The following SNX24 variants were observed in gnomAD, a reference collection of about 807,000 sequenced individuals.
SNX24 encodes sorting nexin-24.
A neutral mutation model predicts 28.7 loss-of-function variants in SNX24; 22 were observed. That is an observed-to-expected ratio of 0.77 (90% CI 0.55 to 1.10). The LOEUF is 1.10. Among genes scored for constraint, SNX24 ranks in the 50% least tolerant of loss-of-function variants. The pLI, the probability that SNX24 is intolerant of heterozygous loss-of-function variation, is 0.00. For missense variants in SNX24, 221 were observed against 201.1 expected, an observed-to-expected ratio of 1.10 and a Z score of -0.60; for synonymous variants, 69 against 71.5, an observed-to-expected ratio of 0.96 and a Z score of 0.18.
intron 2 of SNX24, among the ~76,000 whole-genome samples, chr5:122,943,710 C>T (rs1561634719): frequency 6.6e-6 from 1 of 152,210 alleles, no homozygotes; most frequent in Non-Finnish European, 1.5e-5. Context: ...AGCCAGCAGT[C>T]TGCTAGGACC....
downstream of SNX24, among the ~76,000 whole-genome samples, chr5:123,013,416 T>C (rs1330081476): frequency 6.6e-6 from 1 of 152,238 alleles, no homozygotes; most frequent in African/African-American, 2.4e-5. Context: ...TTTTGGTTTT[T>C]ATTCTTGATG....
At chr5:122,974,138 A>C (rs1242109873) in intron 3 of SNX24, among the ~76,000 whole-genome samples, 2 of 152,238 alleles carry the variant, frequency 1.3e-5, no homozygotes, top group African/African-American at 4.8e-5. Flanking sequence ...GGCCAAATGC[A>C]GCAACTTATC....
intron 1 of SNX24, among the ~76,000 whole-genome samples, chr5:122,862,685 GT>G (rs71223071): frequency 5.4e-4 from 78 of 143,128 alleles, no homozygotes; most frequent in East Asian, 6.0e-4. Context: ...AACAAGGCAT[GT>G]TTTTTTTTTT....
intron 3 of SNX24, among the ~76,000 whole-genome samples, chr5:122,953,310 G>A (rs1027835558): frequency 2.6e-5 from 4 of 152,048 alleles, no homozygotes; most frequent in South Asian, 2.1e-4. Flanking sequence ...TCGCCATGTT[G>A]GCCAGGCTGG....
intron 1 of SNX24, among the ~76,000 whole-genome samples, chr5:122,851,685 T>C (rs912154636): frequency 6.6e-6 from 1 of 152,200 alleles, no homozygotes; most frequent in Non-Finnish European, 1.5e-5. Flanking sequence ...TGAAATATTA[T>C]TATGATCATT....
chr5:122,857,871 C>T (rs927434944), intron 1 of SNX24, among the ~76,000 whole-genome samples: 1 of 152,156 alleles, frequency 6.6e-6, no homozygotes, highest in Non-Finnish European at 1.5e-5. Flanking sequence ...CAACCTCCGC[C>T]TCCTGGGTTC....
chr5:122,866,783 T>C (rs774486397), intron 1 of SNX24, among the ~76,000 whole-genome samples: 1 of 152,200 alleles, frequency 6.6e-6, no homozygotes, highest in African/African-American at 2.4e-5. Context: ...CATGGCACAG[T>C]AACTCCCATT....
chr5:122,952,136 C>G (rs192169104), intron 3 of SNX24, among the ~76,000 whole-genome samples: 44 of 152,142 alleles, frequency 2.9e-4, no homozygotes, highest in Non-Finnish European at 2.1e-4. Context: ...TGTCCCATTC[C>G]CAAGATATCT....
At chr5:122,865,042 T>A (rs1442607933) in intron 1 of SNX24, among the ~76,000 whole-genome samples, 1 of 152,244 alleles carries the variant, frequency 6.6e-6, no homozygotes, top group Non-Finnish European at 1.5e-5. Context: ...TCTTTCACTG[T>A]CTCAGCCATA....
chr5:122,953,297 G>A (rs993963950), intron 3 of SNX24, among the ~76,000 whole-genome samples: 1 of 152,054 alleles, frequency 6.6e-6, no homozygotes, highest in African/African-American at 2.4e-5. Context: ...TAGAAACAGG[G>A]TTTCGCCATG....
At chr5:122,912,945 T>C (rs1262570558) in intron 1 of SNX24, among the ~76,000 whole-genome samples, 2 of 151,950 alleles carry the variant, frequency 1.3e-5, no homozygotes, top group Non-Finnish European at 2.9e-5. Flanking sequence ...CAAGCATCTG[T>C]TTAACAAAGC....
intron 5 of SNX24, chr5:123,023,322 G>T (rs900963151): frequency 6.6e-6 from 1 of 152,216 alleles, no homozygotes; most frequent in Non-Finnish European, 1.5e-5. Context: ...ATGCTAGAGT[G>T]TGTGTATTTT....
chr5:123,003,855 C>T (rs1437391449), intron 6 of SNX24, among the ~76,000 whole-genome samples: 3 of 152,176 alleles, frequency 2.0e-5, no homozygotes, highest in African/African-American at 7.2e-5. Context: ...AAATGGATCA[C>T]AGGTTTGATG....
At chr5:122,985,079 C>A (rs1761542733) in intron 3 of SNX24, among the ~76,000 whole-genome samples, 1 of 152,118 alleles carries the variant, frequency 6.6e-6, no homozygotes, top group Admixed American at 6.5e-5. Flanking sequence ...CATTACTGTT[C>A]TGTTTGGATT....
chr5:122,941,682 T>C (rs1390101851), intron 2 of SNX24, among the ~76,000 whole-genome samples: 2 of 152,220 alleles, frequency 1.3e-5, no homozygotes, highest in Non-Finnish European at 2.9e-5. Context: ...TCTTTCACAC[T>C]GTTAGAGTGT....
At chr5:122,972,164 G>A (rs1284230745) in intron 3 of SNX24, among the ~76,000 whole-genome samples, 1 of 152,194 alleles carries the variant, frequency 6.6e-6, no homozygotes, top group Non-Finnish European at 1.5e-5. Context: ...AGCTCATAGT[G>A]TCCAGATGGC....
chr5:122,964,247 C>CAAAAAAAAAAA (rs34174497), intron 3 of SNX24, among the ~76,000 whole-genome samples: 28 of 36,572 alleles, frequency 7.7e-4, no homozygotes, highest in African/African-American at 1.1e-3. Context: ...GACTCCATCT[C>CAAAAAAAAAAA]AAAAAAAAAA....
chr5:122,857,963 A>G (rs1388849080), intron 1 of SNX24, among the ~76,000 whole-genome samples: 4 of 152,078 alleles, frequency 2.6e-5, no homozygotes, highest in Admixed American at 6.6e-5. Context: ...TTGTATTTTT[A>G]GTAGAGACGG....
intron 3 of SNX24, among the ~76,000 whole-genome samples, chr5:122,966,833 C>T (rs1332325674): frequency 6.6e-6 from 1 of 152,150 alleles, no homozygotes; most frequent in Non-Finnish European, 1.5e-5. Context: ...TAAAATATAA[C>T]AGGCATACAA....
Sources: gnomAD v4.1 joint callset for allele counts (sites outside exome capture counted in the v4.1 genomes callset) on GRCh38, gnomAD v4.1.1 for gene constraint, MANE v1.5 for transcripts, NCBI Gene and HGNC (gene_info 2026-07-23, HGNC 2026-07-21) for gene names.